Variants in TMEM44 observed in about 807,000 individuals in gnomAD.
The protein encoded by TMEM44 is transmembrane protein 44.
A neutral mutation model predicts 47.8 loss-of-function variants in TMEM44; 43 were observed. That is an observed-to-expected ratio of 0.90 (90% CI 0.70 to 1.16). The LOEUF is 1.16. TMEM44 is among the 50% of genes most tolerant of loss of function. The probability of loss-of-function intolerance (pLI) is 0.00; values close to 1 mark genes in which losing one functional copy is unlikely to be tolerated. For missense variants in TMEM44, 568 were observed against 555.2 expected (o/e 1.02, Z -0.23); for synonymous variants, 277 against 238.8 (o/e 1.16, Z -1.48).
intron 6 of TMEM44, chr3:194,616,443 C>T (rs532287489): frequency 4.3e-5 from 17 of 393,796 alleles, no homozygotes; most frequent in African/African-American, 3.4e-4. Context: ...ACTCCAACAG[C>T]TGGGGTCCCT....
At chr3:194,617,299 G>GGGC in intron 5 of TMEM44, 30 bp from the exon 6 acceptor site, 5 of 619,712 alleles carry the variant, frequency 8.1e-6, no homozygotes, top group South Asian at 1.7e-5. Context: ...GGCTGGGCGG[G>GGGC]AGAAGCAGCA....
chr3:194,621,229 C>T (rs1356235288), intron 5 of TMEM44, among the ~76,000 whole-genome samples: 4 of 152,152 alleles, frequency 2.6e-5, no homozygotes, highest in African/African-American at 9.7e-5. Flanking sequence ...TTACCACAAG[C>T]CAAGGGGCTA....
In TMEM44 at chr3:194,591,849, C is replaced by T. The variant is rs772213649; in HGVS notation, c.1177-3210G>A. On this transcript the variant is annotated intron_variant, in intron 9 of 9. Transcript: ENST00000347147. Reference sequence around the variant, plus strand: ...CTCCAACTCCTGACCTCAGGTGATCCGCCCCCCTCAGCCTTCCAAAGTGTT... The same window carrying T: ...CTCCAACTCCTGACCTCAGGTGATCTGCCCCCCTCAGCCTTCCAAAGTGTT... 1.1e-3 allele frequency among the ~76,000 whole-genome samples: 165 copies of T among 152,136 alleles called. 2 individuals are homozygous for T. Among genetic ancestry groups the T allele is most frequent in the Non-Finnish European group, 1.6e-3 (107 of 68,008 alleles).
chr3:194,591,221 G>A (rs1202375579), intron 9 of TMEM44, among the ~76,000 whole-genome samples: 1 of 151,540 alleles, frequency 6.6e-6, no homozygotes, highest in Non-Finnish European at 1.5e-5. Context: ...GGCTGGGTGT[G>A]GTGGCTCACG....
intron 9 of TMEM44, among the ~76,000 whole-genome samples, chr3:194,591,386 T>C (rs1399396947): frequency 2.6e-5 from 4 of 151,990 alleles, no homozygotes; most frequent in Non-Finnish European, 1.5e-5. Flanking sequence ...CCCAGCCACT[T>C]GGGAGGCTGA....
At chr3:194,632,029 T>A (rs1717876050) in intron 1 of TMEM44, among the ~76,000 whole-genome samples, 1 of 152,200 alleles carries the variant, frequency 6.6e-6, no homozygotes, top group Non-Finnish European at 1.5e-5. Flanking sequence ...TAATCTCTCT[T>A]ACCAGCCTGC....
chr3:194,628,706 G>A (rs1257052701), intron 1 of TMEM44, among the ~76,000 whole-genome samples, 197 bp from the exon 2 acceptor site: 4 of 152,180 alleles, frequency 2.6e-5, no homozygotes, highest in African/African-American at 9.7e-5. Flanking sequence ...GATGCCCATG[G>A]CAGGAGCTAG....
chr3:194,610,205 A>T (rs1253808407), intron 8 of TMEM44, among the ~76,000 whole-genome samples: 2 of 150,444 alleles, frequency 1.3e-5, no homozygotes, highest in Non-Finnish European at 3.0e-5. Context: ...TGGGCGACAG[A>T]GTGTCTCAAA....
At chr3:194,625,277 T>C (rs1213855128) in intron 3 of TMEM44, among the ~76,000 whole-genome samples, 1 of 152,186 alleles carries the variant, frequency 6.6e-6, no homozygotes, top group Non-Finnish European at 1.5e-5. Context: ...CCTTTGCCCA[T>C]GCTGCTCTGT....
intron 3 of TMEM44, among the ~76,000 whole-genome samples, chr3:194,624,416 C>G (rs12636433): frequency 0.12 from 18,355 of 152,002 alleles, 1,750 homozygotes; most frequent in East Asian, 0.39. Context: ...TGCAGCACCC[C>G]CTCTGATTCA....
At chr3:194,627,693 A>T (rs1773186) in intron 2 of TMEM44, among the ~76,000 whole-genome samples, 120,810 of 152,114 alleles carry the variant, frequency 0.79, 48,244 homozygotes, top group East Asian at 0.97. Flanking sequence ...GAAGTAATAA[A>T]CAGGTCAGGC....
chr3:194,604,560 A>G, intron 8 of TMEM44, 115 bp from the exon 9 acceptor site: 1 of 1,334,226 alleles, frequency 7.5e-7, no homozygotes, highest in East Asian at 2.6e-5. Flanking sequence ...TGTGCAGGGC[A>G]GCATCTACCT....
intron 8 of TMEM44, among the ~76,000 whole-genome samples, chr3:194,609,135 G>A (rs1046543043): frequency 6.6e-5 from 10 of 152,244 alleles, no homozygotes; most frequent in South Asian, 2.1e-4. Context: ...GAGAGGAGCC[G>A]GTCTGGGCAT....
intron 5 of TMEM44, chr3:194,617,627 G>A (rs1367898316): frequency 4.3e-6 from 3 of 703,292 alleles, no homozygotes; most frequent in African/African-American, 1.7e-5. Context: ...GCTGGGCAGG[G>A]GTCCTCACCA....
intron 8 of TMEM44, among the ~76,000 whole-genome samples, chr3:194,606,952 C>CAAAAAAAAAAAAAA (rs561876150): frequency 8.9e-6 from 1 of 111,780 alleles, no homozygotes; most frequent in African/African-American, 3.4e-5. Flanking sequence ...GACTCTGCCT[C>CAAAAAAAAAAAAAA]AAAAAAAAAA....
In TMEM44 at chr3:194,633,341, C is replaced by T; in HGVS notation, c.-126G>A. 1 of 351,608 alleles carries T rather than the reference C, an allele frequency of 2.8e-6. No homozygotes were observed. Among genetic ancestry groups the T allele is most frequent in the Non-Finnish European group, 4.0e-6 (1 of 248,510 alleles). The allele number at this position is 351,608 out of a possible 1,614,324, so 21.8% of individuals were successfully genotyped here. A position where few individuals can be genotyped will look rare whatever the true frequency, so the allele number is the denominator to read the frequency against. ...TTCCGTTCCGCCGCGGCGCCTCCGG[C>T]CGAGCGCACCGACCGCGGGCAGAGA... On this transcript the variant is annotated 5_prime_UTR_variant, in exon 1 of 10. Coordinates refer to ENST00000347147, the MANE Select transcript of TMEM44 (RefSeq NM_001011655.3).
chr3:194,633,083 C>T lies in TMEM44; in HGVS notation c.133G>A (p.Ala45Thr), dbSNP rs746104466. The change falls in exon 1 of 10, where the codon GCG (alanine) becomes ACG (threonine). Residue 45 changes from alanine (A) to threonine (T), a missense_variant. Physicochemically the swap from Ala to Thr is moderately conservative, Grantham distance 58. Transcript: ENST00000347147. ...CASSCWIAAHALLLYLRCAQK... is the reference protein window; with the variant it reads ...CASSCWIAAHTLLLYLRCAQK... ...CCCGACCCGTGGCCCCATTACAGCG[C>T]GTGGGCGGCGATCCAGCAGGAGGAG... is the stretch of plus-strand genomic sequence containing the variant. 3.2e-6 allele frequency: 5 copies of T among 1,548,136 alleles called. No individual in the cohort carries two copies. In the South Asian group the frequency reaches 6.0e-5, roughly 18 times the overall value.
chr3:194,607,860 G>A (rs1001609585), intron 8 of TMEM44, among the ~76,000 whole-genome samples: 5 of 152,130 alleles, frequency 3.3e-5, no homozygotes, highest in Admixed American at 1.3e-4. Flanking sequence ...AGTGGGGCTC[G>A]GGGCTCCCTC....
At chr3:194,616,220 T>A (rs2108590194) in intron 6 of TMEM44, among the ~76,000 whole-genome samples, 1 of 152,120 alleles carries the variant, frequency 6.6e-6, no homozygotes, top group South Asian at 2.1e-4. Flanking sequence ...CTCGGGTAAT[T>A]TTCGTATTTT....
Sources: allele counts gnomAD v4.1 joint callset (sites outside exome capture counted in the v4.1 genomes callset), GRCh38; gene constraint gnomAD v4.1.1; transcripts MANE v1.5; gene names NCBI Gene and HGNC (gene_info 2026-07-23, HGNC 2026-07-21).